The following NRG3 variants were observed in gnomAD, a reference collection of about 807,000 sequenced individuals.
NRG3 encodes pro-neuregulin-3, membrane-bound isoform.
A neutral mutation model predicts 66.9 loss-of-function variants in NRG3; 31 were observed. The observed-to-expected ratio is 0.46, with a 90% CI of 0.35 to 0.63. NRG3 has a LOEUF of 0.63. Among genes scored for constraint, NRG3 ranks in the 20% least tolerant of loss-of-function variants. NRG3 has a pLI of 0.00. For missense variants in NRG3, 910 were observed against 878.9 expected (o/e 1.04, Z -0.45); for synonymous variants, 393 against 359.4 (o/e 1.09, Z -1.06).
At chr10:82,581,917 T>G (rs2046378256) in intron 2 of NRG3, among the ~76,000 whole-genome samples, 1 of 143,506 alleles carries the variant, frequency 7.0e-6, no homozygotes, top group South Asian at 2.1e-4. Context: ...GGTCCGTGTT[T>G]AGATACACTT....
chr10:82,267,471 G>T (rs1284350690), intron 1 of NRG3, among the ~76,000 whole-genome samples: 1 of 152,168 alleles, frequency 6.6e-6, no homozygotes, highest in Non-Finnish European at 1.5e-5. Context: ...CTGAGACAGA[G>T]CCTTGAGGTC....
At chr10:82,675,857 A>G (rs982335234) in intron 2 of NRG3, among the ~76,000 whole-genome samples, 14 of 152,180 alleles carry the variant, frequency 9.2e-5, no homozygotes, top group Non-Finnish European at 1.5e-4. Context: ...TCTGGGATGT[A>G]CCTTACTTCA....
At chr10:82,684,001 C>T (rs756696672) in intron 2 of NRG3, among the ~76,000 whole-genome samples, 54 of 142,472 alleles carry the variant, frequency 3.8e-4, no homozygotes, top group East Asian at 1.3e-3. Context: ...GGAGGCTTCC[C>T]GGAATGTGCT....
intron 1 of NRG3, among the ~76,000 whole-genome samples, chr10:81,883,505 G>T (rs929822689): frequency 6.6e-5 from 10 of 152,264 alleles, no homozygotes; most frequent in African/African-American, 2.2e-4. Flanking sequence ...CCAGTGCTAA[G>T]ATTTTGTCTT....
At chr10:82,649,744 G>A (rs2133878900) in intron 2 of NRG3, among the ~76,000 whole-genome samples, 1 of 151,894 alleles carries the variant, frequency 6.6e-6, no homozygotes, top group Middle Eastern at 3.4e-3. Flanking sequence ...ATGAGCCACT[G>A]CGCCTGGCTG....
At chr10:82,935,342 C>T (rs575793588) in intron 4 of NRG3, among the ~76,000 whole-genome samples, 2 of 152,214 alleles carry the variant, frequency 1.3e-5, no homozygotes, top group African/African-American at 4.8e-5. Flanking sequence ...CTTTTCCACA[C>T]ACCTTACAGA....
At chr10:82,511,398 C>T (rs954742074) in intron 2 of NRG3, among the ~76,000 whole-genome samples, 7 of 152,176 alleles carry the variant, frequency 4.6e-5, no homozygotes, top group African/African-American at 1.2e-4. Context: ...CCCTTGCCTA[C>T]GTATTCTCTG....
chr10:81,933,680 A>G (rs1183401128), intron 1 of NRG3, among the ~76,000 whole-genome samples: 1 of 152,168 alleles, frequency 6.6e-6, no homozygotes, highest in South Asian at 2.1e-4. Flanking sequence ...CTCAGTTGGT[A>G]AGTTTGTAAA....
At chr10:82,643,896 A>C (rs1164961577) in intron 2 of NRG3, among the ~76,000 whole-genome samples, 1 of 19,572 alleles carries the variant, frequency 5.1e-5, no homozygotes, top group Non-Finnish European at 9.5e-5. Flanking sequence ...GCACACACAC[A>C]CACACACCCA....
intron 2 of NRG3, among the ~76,000 whole-genome samples, chr10:82,433,606 A>G (rs1032350899): frequency 3.9e-5 from 6 of 152,198 alleles, no homozygotes; most frequent in South Asian, 2.1e-4. Context: ...TATTTAATCC[A>G]TCTTCAATTA....
chr10:82,245,025 C>A (rs946143106), intron 1 of NRG3, among the ~76,000 whole-genome samples: 2 of 152,132 alleles, frequency 1.3e-5, no homozygotes, highest in African/African-American at 4.8e-5. Context: ...CCACCGCACC[C>A]AGCCAGTGCA....
chr10:82,432,906 T>C (rs1402355187), intron 2 of NRG3, among the ~76,000 whole-genome samples: 3 of 152,198 alleles, frequency 2.0e-5, no homozygotes, highest in Non-Finnish European at 2.9e-5. Flanking sequence ...CTATTGTAAA[T>C]AGTGCAACAA....
intron 2 of NRG3, among the ~76,000 whole-genome samples, chr10:82,507,982 T>C (rs940727237): frequency 2.0e-5 from 3 of 152,176 alleles, no homozygotes; most frequent in African/African-American, 7.2e-5. Context: ...TCCAATAGCA[T>C]TTCTCTAATA....
At chr10:82,221,314 A>G (rs2075933524) in intron 1 of NRG3, among the ~76,000 whole-genome samples, 3 of 151,638 alleles carry the variant, frequency 2.0e-5, no homozygotes. Context: ...AAAAGCAGTC[A>G]TTCCAAATTT....
At chr10:82,825,890 G>T (rs2062182300) in intron 3 of NRG3, among the ~76,000 whole-genome samples, 1 of 152,122 alleles carries the variant, frequency 6.6e-6, no homozygotes, top group Admixed American at 6.5e-5. Flanking sequence ...ATATGTTAAT[G>T]TGCAAGATGG....
chr10:82,656,046 G>A (rs909114961), intron 2 of NRG3, among the ~76,000 whole-genome samples: 1 of 152,172 alleles, frequency 6.6e-6, no homozygotes, highest in African/African-American at 2.4e-5. Flanking sequence ...TTGAAGGATA[G>A]TCAGGAAACT....
chr10:81,876,179 G>A lies in NRG3; in HGVS notation c.823+16G>A. On this transcript the variant is annotated intron_variant, in intron 1 of 8. Coordinates refer to ENST00000372141, the MANE Select transcript of NRG3 (RefSeq NM_001010848.4). ...CCCAAATTTCGTAAGTAAACACTGTGTCTCAACTATGATTTACTACTGAGT... is the reference window on the plus strand; with the variant it reads ...CCCAAATTTCGTAAGTAAACACTGTATCTCAACTATGATTTACTACTGAGT... 1 of 1,559,084 alleles carries A rather than the reference G, an allele frequency of 6.4e-7. No homozygotes were observed. The highest frequency in any genetic ancestry group is 1.2e-5 in the South Asian group (1 of 84,942).
intron 1 of NRG3, among the ~76,000 whole-genome samples, chr10:82,132,648 G>T: frequency 6.7e-6 from 1 of 149,456 alleles, no homozygotes; most frequent in African/African-American, 2.5e-5. Flanking sequence ...AGTAGGATTG[G>T]TATTAGTTCT....
At chr10:82,872,704 T>C (rs1286163704) in intron 4 of NRG3, among the ~76,000 whole-genome samples, 3 of 150,472 alleles carry the variant, frequency 2.0e-5, no homozygotes, top group Non-Finnish European at 4.4e-5. Context: ...ATAAGTGCTC[T>C]AAAAAAAGTT....
Sources: gnomAD v4.1 joint callset for allele counts (sites outside exome capture counted in the v4.1 genomes callset) on GRCh38, gnomAD v4.1.1 for gene constraint, MANE v1.5 for transcripts, NCBI Gene and HGNC (gene_info 2026-07-23, HGNC 2026-07-21) for gene names.